Variants in SVOP observed in about 807,000 individuals in gnomAD.
SVOP encodes SV2 related protein.
Under a neutral mutation model 69.1 loss-of-function variants are expected in SVOP, and 17 were observed. The observed-to-expected ratio is 0.25, with a 90% CI of 0.17 to 0.37. SVOP has a LOEUF of 0.37. Among genes scored for constraint, SVOP ranks in the 10% least tolerant of loss-of-function variants. The pLI, the probability that SVOP is intolerant of heterozygous loss-of-function variation, is 1.00. For synonymous variants in SVOP, 238 were observed against 238.6 expected (o/e 1.00, Z 0.02); for missense variants, 435 against 597.5 (o/e 0.73, Z 2.84).
intron 5 of SVOP, among the ~76,000 whole-genome samples, chr12:108,968,744 T>TGTG (rs2040060918): frequency 6.7e-6 from 1 of 149,660 alleles, no homozygotes; most frequent in Admixed American, 6.7e-5. Context: ...TGTTTGTCTT[T>TGTG]TGTGTGTGTG....
intron 6 of SVOP, among the ~76,000 whole-genome samples, chr12:108,957,130 G>A (rs1160864402): frequency 6.6e-6 from 1 of 152,110 alleles, no homozygotes. Flanking sequence ...CTCCCAGGGA[G>A]GGAAAGCTTC....
intron 8 of SVOP, 90 bp from the exon 9 acceptor site, chr12:108,939,045 C>A: frequency 1.3e-6 from 2 of 1,572,366 alleles, no homozygotes; most frequent in Non-Finnish European, 8.6e-7. Flanking sequence ...CATGTGGGGT[C>A]TTTAAGAGTG....
At chr12:108,949,701 CTT>C (rs375186844) in intron 6 of SVOP, among the ~76,000 whole-genome samples, 20 of 147,866 alleles carry the variant, frequency 1.4e-4, no homozygotes, top group Admixed American at 1.1e-3. Flanking sequence ...TTCTTTCCTT[CTT>C]TTTTTTTTTC....
intron 10 of SVOP, 101 bp from the exon 11 acceptor site, chr12:108,934,372 C>A: frequency 2.1e-6 from 2 of 968,550 alleles, no homozygotes; most frequent in Non-Finnish European, 1.5e-6. Context: ...CAGCAGGGAC[C>A]AGTCTTTGGG....
chr12:108,916,389 GC>G, intron 14 of SVOP, among the ~76,000 whole-genome samples: 1 of 152,316 alleles, frequency 6.6e-6, no homozygotes, highest in Admixed American at 6.5e-5. Flanking sequence ...TCCCATGTCT[GC>G]TGGCTGCGAG....
At chr12:108,926,172 C>T (rs1011461325) in intron 11 of SVOP, among the ~76,000 whole-genome samples, 2 of 152,166 alleles carry the variant, frequency 1.3e-5, no homozygotes, top group African/African-American at 2.4e-5. Flanking sequence ...CCTCCCTCCT[C>T]GCCCTCCCAA....
intron 6 of SVOP, among the ~76,000 whole-genome samples, chr12:108,954,785 T>A (rs1181293223): frequency 6.6e-6 from 1 of 152,222 alleles, no homozygotes; most frequent in Non-Finnish European, 1.5e-5. Context: ...ATCCCAGCAC[T>A]TTGGAAGGCC....
chr12:108,930,792 G>C (rs1316584160), intron 11 of SVOP, among the ~76,000 whole-genome samples: 1 of 152,180 alleles, frequency 6.6e-6, no homozygotes, highest in Non-Finnish European at 1.5e-5. Flanking sequence ...ATTACAGTCT[G>C]TTCACACATC....
chr12:108,931,187 G>A (rs1262834180), intron 11 of SVOP, among the ~76,000 whole-genome samples: 1 of 152,090 alleles, frequency 6.6e-6, no homozygotes, highest in Non-Finnish European at 1.5e-5. Flanking sequence ...AGTGAGATGG[G>A]ACTCCACTAC....
In SVOP at chr12:108,912,485, G is replaced by T. The variant is rs767117241; in HGVS notation, c.*50C>A. 13 of 1,606,706 alleles carry T rather than the reference G, an allele frequency of 8.1e-6. No homozygotes were observed. Among genetic ancestry groups the T allele is most frequent in the South Asian group, 7.7e-5 (7 of 90,890 alleles). ...TCAGTGCCCCAGTTGGGGCCTGCCA[G>T]CCCCCCAAGCTCTGCAGCCTCAAAG... On this transcript the variant is annotated 3_prime_UTR_variant, in exon 16 of 16. Coordinates refer to ENST00000610966, the MANE Select transcript of SVOP (RefSeq NM_018711.5).
intron 7 of SVOP, 79 bp from the exon 8 acceptor site, chr12:108,940,988 G>A: frequency 6.7e-7 from 1 of 1,487,578 alleles, no homozygotes; most frequent in South Asian, 1.3e-5. Context: ...TTGTGGACAA[G>A]GGTATCTCTG....
intron 15 of SVOP, among the ~76,000 whole-genome samples, chr12:108,913,895 C>T (rs545006802): frequency 6.6e-6 from 1 of 152,160 alleles, no homozygotes; most frequent in Non-Finnish European, 1.5e-5. Flanking sequence ...AAGTAATCTG[C>T]CCACCTCAGC....
intron 10 of SVOP, among the ~76,000 whole-genome samples, chr12:108,936,444 AT>A (rs2039856673): frequency 6.6e-6 from 1 of 151,894 alleles, no homozygotes. Flanking sequence ...AGTCTCACTT[AT>A]GTGCTAATGA....
chr12:108,915,656 T>G, intron 15 of SVOP, 127 bp downstream of exon 15: 1 of 908,474 alleles, frequency 1.1e-6, no homozygotes, highest in East Asian at 3.0e-5. Context: ...TGTCCTCGGG[T>G]GTGTTGTTAT....
At chr12:108,927,811 G>A (rs963357754) in intron 11 of SVOP, among the ~76,000 whole-genome samples, 3 of 151,972 alleles carry the variant, frequency 2.0e-5, no homozygotes, top group Admixed American at 1.3e-4. Flanking sequence ...GCCCAGGCTG[G>A]TCTTGAACTC....
rs1038764160 is a variant in SVOP at position 108,911,184 on chromosome 12, C to G, written c.*1351G>C. 6.6e-6 allele frequency: 1 copy of G among 152,236 alleles called. No homozygotes were observed. Among genetic ancestry groups the G allele is most frequent in the African/African-American group, 2.4e-5 (1 of 41,428 alleles). The allele number at this position is 152,236 out of a possible 1,614,324, so 9.4% of individuals were successfully genotyped here. On this transcript the variant is annotated 3_prime_UTR_variant, in exon 16 of 16. Transcript: ENST00000610966. ...ACCCCTCTCCACTCCACGGCAGGCT[C>G]CATGAATGGAACTCCAGGGGCTGCC...
intron 1 of SVOP, among the ~76,000 whole-genome samples, chr12:109,008,899 G>T (rs980198965): frequency 2.6e-5 from 4 of 151,806 alleles, no homozygotes; most frequent in Non-Finnish European, 5.9e-5. Flanking sequence ...GAACAAAAAG[G>T]CCTGTGCTGC....
intron 13 of SVOP, among the ~76,000 whole-genome samples, chr12:108,918,678 T>G (rs1204794593): frequency 6.6e-6 from 1 of 152,184 alleles, no homozygotes; most frequent in Non-Finnish European, 1.5e-5. Flanking sequence ...TTTCTATATT[T>G]TGAGGCTCTT....
chr12:108,952,105 G>A (rs915722245), intron 6 of SVOP, among the ~76,000 whole-genome samples: 1 of 152,074 alleles, frequency 6.6e-6, no homozygotes, highest in African/African-American at 2.4e-5. Flanking sequence ...GGAGTCTAGA[G>A]GAGCCACCAA....
Sources: gnomAD v4.1 joint callset for allele counts (sites outside exome capture counted in the v4.1 genomes callset) on GRCh38, gnomAD v4.1.1 for gene constraint, MANE v1.5 for transcripts, NCBI Gene and HGNC (gene_info 2026-07-23, HGNC 2026-07-21) for gene names.